NDE1: variants seen among roughly 807,000 people sequenced by gnomAD.
NDE1 encodes nudE neurodevelopment protein 1.
Under a neutral mutation model 43.4 loss-of-function variants are expected in NDE1, and 28 were observed. That is an observed-to-expected ratio of 0.65 (90% CI 0.48 to 0.89). The LOEUF is 0.89. Among genes scored for constraint, NDE1 ranks in the 40% least tolerant of loss-of-function variants. The pLI is 0.00. For missense variants in NDE1, 441 were observed against 434.1 expected (o/e 1.02, Z -0.14); for synonymous variants, 184 against 172.0 (o/e 1.07, Z -0.55).
intron 8 of NDE1, chr16:15,717,262 G>C (rs1427020506): frequency 6.2e-7 from 1 of 1,614,118 alleles, no homozygotes. Context: ...GGAGCTCCTT[G>C]TTCTGCCGCT....
intron 1 of NDE1, among the ~76,000 whole-genome samples, chr16:15,653,396 T>C (rs1011522863): frequency 7.2e-5 from 11 of 152,324 alleles, no homozygotes; most frequent in Middle Eastern, 6.8e-3. Flanking sequence ...GTGATGTCAC[T>C]CCTGCAAAAT....
intron 8 of NDE1, chr16:15,721,618 T>C: frequency 6.2e-7 from 1 of 1,614,204 alleles, no homozygotes; most frequent in Non-Finnish European, 8.5e-7. Flanking sequence ...AGAGATGTTT[T>C]TCTCCTCGGC....
chr16:15,659,216 G>A (rs1012140711), intron 1 of NDE1, among the ~76,000 whole-genome samples: 7 of 152,184 alleles, frequency 4.6e-5, no homozygotes, highest in African/African-American at 1.7e-4. Context: ...CTCAACATGG[G>A]TGAGGCTCAC....
chr16:15,715,102 G>C (rs1273233664), intron 8 of NDE1: 1 of 1,612,542 alleles, frequency 6.2e-7, no homozygotes, highest in African/African-American at 1.3e-5. Flanking sequence ...GAGTTGGAGG[G>C]GTGGTTAGGG....
intron 3 of NDE1, among the ~76,000 whole-genome samples, chr16:15,674,757 G>T (rs1245535339): frequency 6.6e-6 from 1 of 152,048 alleles, no homozygotes; most frequent in Non-Finnish European, 1.5e-5. Flanking sequence ...TGTTGCCCAG[G>T]TTGGAGTGCA....
At chr16:15,697,474 C>A (rs1039540324) in intron 8 of NDE1, among the ~76,000 whole-genome samples, 2 of 151,962 alleles carry the variant, frequency 1.3e-5, no homozygotes, top group African/African-American at 2.4e-5. Context: ...TCTGGGAGGC[C>A]AAGGCAGGTG....
chr16:15,688,689 CTTTTT>C (rs1194565114), intron 5 of NDE1, among the ~76,000 whole-genome samples: 76 of 59,990 alleles, frequency 1.3e-3, no homozygotes, highest in African/African-American at 1.6e-3. Flanking sequence ...TTGTTTTTAC[CTTTTT>C]TTTTTTTTTT....
chr16:15,665,680 C>A (rs1337929951), intron 2 of NDE1, among the ~76,000 whole-genome samples: 1 of 151,480 alleles, frequency 6.6e-6, no homozygotes, highest in Non-Finnish European at 1.5e-5. Context: ...CCTGGCTTCA[C>A]GTGATCTGCC....
intron 4 of NDE1, among the ~76,000 whole-genome samples, chr16:15,681,253 CTTTTTTTT>C (rs71134448): frequency 9.5e-5 from 3 of 31,426 alleles, no homozygotes; most frequent in African/African-American, 1.6e-4. Context: ...TAAACACTGC[CTTTTTTTT>C]TTTTTTTTTT....
Position 15,691,140 on chromosome 16 carries a change from A to G in NDE1, c.524-4A>G. On this transcript the variant is annotated splice_polypyrimidine_tract_variant and splice_region_variant and intron_variant, in intron 5 of 8. Coordinates refer to ENST00000396354, the MANE Select transcript of NDE1 (RefSeq NM_017668.3). The stretch of plus-strand genomic sequence containing the variant: ...TGAATTCCTGAATCCTTTTTCTGGC[A>G]CAGATTTGCGGCAGGAACTGGCCGT... 1 of 1,614,098 alleles carries G rather than the reference A, an allele frequency of 6.2e-7. No individual in the cohort carries two copies. Among genetic ancestry groups the G allele is most frequent in the Non-Finnish European group, 8.5e-7 (1 of 1,180,016 alleles).
chr16:15,688,229 C>T (rs2038539586), intron 5 of NDE1, among the ~76,000 whole-genome samples: 2 of 151,868 alleles, frequency 1.3e-5, no homozygotes, highest in South Asian at 4.1e-4. Context: ...GCCAGCTAGC[C>T]TATTATTTTT....
In NDE1 at chr16:15,709,606, C is replaced by T. The variant is rs187173198; in HGVS notation, c.947+12746C>T. Reference sequence around the variant, plus strand: ...CTGGGATTACAGGTGTGAGCCACTGCACCCGGCTCAGTTTTTTAAATGGAA... The same window carrying T: ...CTGGGATTACAGGTGTGAGCCACTGTACCCGGCTCAGTTTTTTAAATGGAA... On this transcript the variant is annotated intron_variant, in intron 8 of 8. Coordinates refer to ENST00000396354, the MANE Select transcript of NDE1 (RefSeq NM_017668.3). 1.3e-3 allele frequency among the ~76,000 whole-genome samples: 194 copies of T among 152,296 alleles called. 4 individuals are homozygous for T. Among genetic ancestry groups the T allele is most frequent in the Admixed American group, 0.011 (173 of 15,302 alleles).
In NDE1 at chr16:15,691,235, T is replaced by C. The variant is rs777562431; in HGVS notation, c.615T>C (p.Ala205=). ...TGGAAGCTGAGAGGACAGACACAGC[T>C]GTGCAGGCCACGGGCTCCGTGCCGT... The part of the protein sequence containing the change: ...SSVEAERTDT[A]VQATGSVPST... Residue 205 remains alanine (A), a synonymous_variant, in exon 6 of 9, where the codon GCT becomes GCC. Coordinates refer to ENST00000396354, the MANE Select transcript of NDE1 (RefSeq NM_017668.3). 3 of 1,614,082 alleles carry C rather than the reference T, an allele frequency of 1.9e-6. No homozygotes were observed. The highest frequency in any genetic ancestry group is 1.3e-5 in the African/African-American group (1 of 74,930).
chr16:15,654,602 C>CA (rs200126051), intron 1 of NDE1, among the ~76,000 whole-genome samples: 107 of 75,496 alleles, frequency 1.4e-3, no homozygotes, highest in East Asian at 4.0e-3. Flanking sequence ...GATTCCGACT[C>CA]AAAAAAAAAA....
intron 8 of NDE1, chr16:15,714,884 T>G (rs917903167): frequency 3.2e-5 from 51 of 1,612,040 alleles, no homozygotes; most frequent in Non-Finnish European, 4.2e-5. Context: ...AGAGACGGGG[T>G]CCTCCCGGGC....
chr16:15,696,673 C>T, intron 7 of NDE1, 36 bp from the exon 8 acceptor site: 1 of 1,614,088 alleles, frequency 6.2e-7, no homozygotes, highest in Non-Finnish European at 8.5e-7. Context: ...TAGTCCTTGC[C>T]TATAACTTGA....
chr16:15,717,268 C>G, intron 8 of NDE1: 1 of 1,614,034 alleles, frequency 6.2e-7, no homozygotes, highest in Non-Finnish European at 8.5e-7. Context: ...CCTTGTTCTG[C>G]CGCTCGAGCT....
At chr16:15,649,153 G>A (rs1162273801), upstream of NDE1, among the ~76,000 whole-genome samples, 5 of 152,038 alleles carry the variant, frequency 3.3e-5, no homozygotes, top group African/African-American at 7.2e-5. Flanking sequence ...TGGAGATCAC[G>A]CCACTGCATT....
Position 15,724,834 on chromosome 16 carries a change from G to A in NDE1, c.*583G>A, listed in dbSNP as rs1567700853. The A allele has an allele frequency of 6.2e-7, 1 of 1,613,580 alleles. No homozygotes were observed. The highest frequency in any genetic ancestry group is 8.5e-7 in the Non-Finnish European group (1 of 1,179,978). On this transcript the variant is annotated 3_prime_UTR_variant, in exon 9 of 9. Transcript: ENST00000396354. The stretch of plus-strand genomic sequence containing the variant: ...GGATGCAAAGAGGTCCCAGGGACCT[G>A]CCCCGAGGAAGGCCACCCCCCAGGT...
Sources: allele counts gnomAD v4.1 joint callset (sites outside exome capture counted in the v4.1 genomes callset), GRCh38; gene constraint gnomAD v4.1.1; transcripts MANE v1.5; gene names NCBI Gene and HGNC (gene_info 2026-07-23, HGNC 2026-07-21).